The following NAA16 variants were observed in gnomAD, a reference collection of about 807,000 sequenced individuals.
The protein encoded by NAA16 is N-alpha-acetyltransferase 16, NatA auxiliary subunit, also known as NARG1-like protein.
A neutral mutation model predicts 110.3 loss-of-function variants in NAA16; 97 were observed. That is an observed-to-expected ratio of 0.88 (90% CI 0.75 to 1.04). NAA16 has a LOEUF of 1.04. Among genes scored for constraint, NAA16 ranks in the 50% least tolerant of loss-of-function variants. NAA16 has a pLI of 0.00. For synonymous variants in NAA16, 372 were observed against 330.6 expected, an observed-to-expected ratio of 1.13 and a Z score of -1.36; for missense variants, 1,017 against 1,005.1, an observed-to-expected ratio of 1.01 and a Z score of -0.16.
intron 8 of NAA16, among the ~76,000 whole-genome samples, chr13:41,332,680 G>A (rs2042271852): frequency 6.6e-6 from 1 of 152,174 alleles, no homozygotes; most frequent in Non-Finnish European, 1.5e-5. Context: ...CAACTTAAAA[G>A]TATTCTGGAG....
chr13:41,330,151 G>A (rs546063258), intron 7 of NAA16, among the ~76,000 whole-genome samples: 2 of 151,826 alleles, frequency 1.3e-5, no homozygotes, highest in South Asian at 4.1e-4. Context: ...ATTTTGTGAA[G>A]TCTCCAAATC....
intron 13 of NAA16, 31 bp from the exon 14 acceptor site, chr13:41,367,408 A>G: frequency 1.4e-6 from 2 of 1,463,656 alleles, no homozygotes; most frequent in South Asian, 1.2e-5. Context: ...ACATAAATGT[A>G]AAGGTTAATT....
At chr13:41,348,549 C>T (rs1423704593) in intron 9 of NAA16, among the ~76,000 whole-genome samples, 1 of 152,052 alleles carries the variant, frequency 6.6e-6, no homozygotes, top group Admixed American at 6.6e-5. Flanking sequence ...GTTCGATTTG[C>T]TAGTGTTTTG....
At chr13:41,369,417 A>G (rs2043272221) in intron 15 of NAA16, 134 bp downstream of exon 15, 32 of 930,092 alleles carry the variant, frequency 3.4e-5, no homozygotes, top group Admixed American at 6.0e-5. Flanking sequence ...ATAGCCGTCA[A>G]TTATCTTTGA....
chr13:41,375,481 T>C lies in NAA16; in HGVS notation c.2474T>C (p.Met825Thr), dbSNP rs778510089. 89 of 1,613,904 alleles carry C rather than the reference T, an allele frequency of 5.5e-5. No individual in the cohort carries two copies. In the Admixed American group the frequency reaches 1.5e-3, roughly 27 times the overall value. Residue 825 changes from methionine (M) to threonine (T), a missense_variant, in exon 20 of 20, where the codon ATG (methionine) becomes ACG (threonine). Physicochemically the swap from Met to Thr is moderately conservative, Grantham distance 81. Transcript: ENST00000379406. ...NCSSQYEEYR[M>T]ACHNLLPFTS... ...AGTTCCCAATATGAAGAATATAGGA[T>C]GGCCTGTCATAACCTGCTTCCTTTT...
intron 1 of NAA16, among the ~76,000 whole-genome samples, chr13:41,312,686 T>A (rs1199016191): frequency 1.3e-5 from 2 of 152,198 alleles, no homozygotes; most frequent in African/African-American, 4.8e-5. Flanking sequence ...TTAGAGTAAT[T>A]TTAAGTATGA....
At chr13:41,335,818 A>C (rs966326774) in intron 8 of NAA16, among the ~76,000 whole-genome samples, 3 of 150,468 alleles carry the variant, frequency 2.0e-5, no homozygotes, top group African/African-American at 7.3e-5. Flanking sequence ...AGGTCATTTC[A>C]GTCATCTTAC....
intron 9 of NAA16, chr13:41,354,720 A>G (rs1171877077): frequency 6.5e-6 from 1 of 152,948 alleles, no homozygotes; most frequent in East Asian, 1.9e-4. Flanking sequence ...TAATTATAGT[A>G]AGTACAATAC....
intron 13 of NAA16, among the ~76,000 whole-genome samples, chr13:41,364,204 A>T (rs1313714680): frequency 6.6e-6 from 1 of 152,144 alleles, no homozygotes; most frequent in Admixed American, 6.5e-5. Flanking sequence ...TACCTTCTAA[A>T]TAGAAGGTTA....
chr13:41,315,479 G>C (rs1234050712), intron 1 of NAA16, among the ~76,000 whole-genome samples: 1 of 152,198 alleles, frequency 6.6e-6, no homozygotes. Flanking sequence ...ATGGTCTTTG[G>C]AGTAAGATCA....
At chr13:41,340,722 G>T (rs1309524476) in intron 9 of NAA16, among the ~76,000 whole-genome samples, 2 of 139,106 alleles carry the variant, frequency 1.4e-5, no homozygotes, top group Non-Finnish European at 3.0e-5. Flanking sequence ...TTGCGCCCAG[G>T]CTGGAGTGCA....
intron 6 of NAA16, among the ~76,000 whole-genome samples, chr13:41,327,409 T>A (rs2139401972): frequency 6.6e-6 from 1 of 151,590 alleles, no homozygotes; most frequent in East Asian, 1.9e-4. Context: ...TCCTGTAGCA[T>A]CAATAGGAAA....
At chr13:41,322,159 G>A (rs529389144) in intron 4 of NAA16, among the ~76,000 whole-genome samples, 1 of 152,144 alleles carries the variant, frequency 6.6e-6, no homozygotes, top group Non-Finnish European at 1.5e-5. Context: ...GATGTAGAAG[G>A]ATTGCTTGAG....
chr13:41,324,474 C>T (rs1171034008), intron 5 of NAA16, among the ~76,000 whole-genome samples: 1 of 135,456 alleles, frequency 7.4e-6, no homozygotes, highest in African/African-American at 2.7e-5. Context: ...CTACCAGGTT[C>T]AAGCAATTAC....
intron 15 of NAA16, 55 bp downstream of exon 15, chr13:41,369,338 C>A: frequency 2.2e-6 from 3 of 1,387,280 alleles, no homozygotes; most frequent in Non-Finnish European, 2.9e-6. Flanking sequence ...TATTTGGTTC[C>A]GTTCTGACAG....
rs2043348809 is a variant in NAA16 at position 41,372,819 on chromosome 13, T to A, written c.2144T>A (p.Phe715Tyr). The A allele has an allele frequency of 5.7e-6, 9 of 1,579,140 alleles. No homozygotes were observed. Among genetic ancestry groups the A allele is most frequent in the Non-Finnish European group, 7.8e-6 (9 of 1,158,942 alleles). ...TGGTTACATGAATGTTTAATTAGAT[T>A]TTCTAAATCTGGTAAGTATAAAAAA... ...NPWLHECLIRFSKSVSNHSNL... is the reference protein window; with the variant it reads ...NPWLHECLIRYSKSVSNHSNL... The change falls in exon 17 of 20, where the codon TTT becomes TAT. Residue 715 changes from phenylalanine (F) to tyrosine (Y), a missense_variant. Transcript: ENST00000379406.
intron 10 of NAA16, 67 bp downstream of exon 10, chr13:41,355,283 T>G: frequency 1.0e-6 from 1 of 981,280 alleles, no homozygotes; most frequent in South Asian, 1.5e-5. Flanking sequence ...GTAATGCTCT[T>G]TTATGTATAT....
At chr13:41,357,963 T>C (rs1433850429) in intron 10 of NAA16, among the ~76,000 whole-genome samples, 5 of 152,218 alleles carry the variant, frequency 3.3e-5, no homozygotes, top group Non-Finnish European at 5.9e-5. Context: ...GAAATCTCTT[T>C]GCCAAGTTTT....
intron 13 of NAA16, chr13:41,362,690 T>C: frequency 7.8e-7 from 1 of 1,289,388 alleles, no homozygotes; most frequent in Non-Finnish European, 1.0e-6. Context: ...TCTTTTCCTT[T>C]GTGTGAATTT....
Sources: gnomAD v4.1 joint callset for allele counts (sites outside exome capture counted in the v4.1 genomes callset) on GRCh38, gnomAD v4.1.1 for gene constraint, MANE v1.5 for transcripts, NCBI Gene and HGNC (gene_info 2026-07-23, HGNC 2026-07-21) for gene names.